Variants in FBXO28 observed in about 807,000 individuals in gnomAD.
FBXO28 encodes the protein F-box only protein 28.
Under a neutral mutation model 38.1 loss-of-function variants are expected in FBXO28, and 8 were observed. That is an observed-to-expected ratio of 0.21 (90% CI 0.12 to 0.38). The LOEUF (loss-of-function observed/expected upper bound fraction) is 0.38, where lower values mean the gene tolerates loss of function less well. FBXO28 is among the 10% of genes least tolerant of loss of function. The pLI is 1.00. For synonymous variants in FBXO28, 168 were observed against 173.8 expected (o/e 0.97, Z 0.26); for missense variants, 345 against 460.6 (o/e 0.75, Z 2.30).
chr1:224,117,238 C>G (rs1275891104), intron 1 of FBXO28, among the ~76,000 whole-genome samples: 1 of 131,732 alleles, frequency 7.6e-6, no homozygotes, highest in Non-Finnish European at 1.5e-5. Context: ...GCCATCTTGG[C>G]TCACTGCAGC....
At chr1:224,119,814 A>C (rs1299435407) in intron 1 of FBXO28, among the ~76,000 whole-genome samples, 1 of 152,234 alleles carries the variant, frequency 6.6e-6, no homozygotes, top group East Asian at 1.9e-4. Context: ...TGATTGGAGA[A>C]GAATGACTTA....
intron 3 of FBXO28, among the ~76,000 whole-genome samples, chr1:224,148,587 G>A (rs1255830072): frequency 6.6e-6 from 1 of 151,928 alleles, no homozygotes; most frequent in Non-Finnish European, 1.5e-5. Flanking sequence ...TCGTGAACCT[G>A]GGAGGCAGAG....
At chr1:224,148,102 A>G (rs1558195747) in intron 3 of FBXO28, among the ~76,000 whole-genome samples, 1 of 152,182 alleles carries the variant, frequency 6.6e-6, no homozygotes, top group Admixed American at 6.6e-5. Context: ...AGATTTTTAA[A>G]TGTTCTTTTT....
intron 2 of FBXO28, among the ~76,000 whole-genome samples, chr1:224,131,272 G>A (rs1243119000): frequency 6.6e-6 from 1 of 150,680 alleles, no homozygotes; most frequent in East Asian, 1.9e-4. Flanking sequence ...TGTAACCCCT[G>A]TCAAAAATTC....
chr1:224,121,609 C>T (rs1393562345), intron 1 of FBXO28, among the ~76,000 whole-genome samples: 1 of 152,114 alleles, frequency 6.6e-6, no homozygotes, highest in Non-Finnish European at 1.5e-5. Flanking sequence ...CCTGCCTTGG[C>T]CTCTCTAGGT....
At chr1:224,133,924 T>A in intron 2 of FBXO28, 150 bp from the exon 3 acceptor site, 1 of 490,330 alleles carries the variant, frequency 2.0e-6, no homozygotes. Flanking sequence ...TAGTGATTCA[T>A]TCATCATTAC....
chr1:224,144,404 C>T (rs4653565), intron 3 of FBXO28, among the ~76,000 whole-genome samples: 141,478 of 152,034 alleles, frequency 0.93, 66,584 homozygotes, highest in Non-Finnish European at 1. Flanking sequence ...AGGGCTGCAG[C>T]GAGATGTGGT....
intron 3 of FBXO28, among the ~76,000 whole-genome samples, chr1:224,135,631 A>AAAG (rs1553290020): frequency 6.1e-5 from 8 of 131,918 alleles, no homozygotes; most frequent in Non-Finnish European, 1.1e-4. Context: ...AAAAAAAAAA[A>AAAG]AAAAGAAAAA....
intron 4 of FBXO28, among the ~76,000 whole-genome samples, chr1:224,154,460 C>A (rs1657719605): frequency 6.6e-6 from 1 of 150,766 alleles, no homozygotes; most frequent in Non-Finnish European, 1.5e-5. Flanking sequence ...CACCTGAGGT[C>A]AGGAGTTCAA....
At position 224,160,310 on chromosome 1, in the gene FBXO28, C is replaced by T. The variant is rs554184409; in HGVS notation, c.*2564C>T. 1.3e-5 allele frequency: 2 copies of T among 152,168 alleles called. No homozygotes were observed. Among genetic ancestry groups the T allele is most frequent in the Admixed American group, 6.6e-5 (1 of 15,264 alleles). The allele number at this position is 152,168 out of a possible 1,614,324, so 9.4% of individuals were successfully genotyped here. A position where few individuals can be genotyped will look rare whatever the true frequency, so the allele number is the denominator to read the frequency against. ...GCATTTTAAGTCAGGTATTTAAATACTGCGTGTTGTTAATATTGCGTTGTC... is the reference window on the plus strand; with the variant it reads ...GCATTTTAAGTCAGGTATTTAAATATTGCGTGTTGTTAATATTGCGTTGTC... On this transcript the variant is annotated 3_prime_UTR_variant, in exon 5 of 5. Coordinates refer to ENST00000366862, the MANE Select transcript of FBXO28 (RefSeq NM_015176.4).
chr1:224,147,758 C>T (rs1657543628), intron 3 of FBXO28, among the ~76,000 whole-genome samples: 3 of 150,822 alleles, frequency 2.0e-5, no homozygotes, highest in South Asian at 4.2e-4. Flanking sequence ...AAGTGACCTT[C>T]CTAAGGCCTG....
At chr1:224,146,702 ATTTT>A (rs5781350) in intron 3 of FBXO28, among the ~76,000 whole-genome samples, 2 of 110,322 alleles carry the variant, frequency 1.8e-5, no homozygotes, top group Non-Finnish European at 3.5e-5. Flanking sequence ...TAAAACTAAA[ATTTT>A]TTTTTTTTTT....
rs146398564 is a variant in FBXO28, at chr1:224,140,860, C to T, written c.516+6648C>T. On this transcript the variant is annotated intron_variant, in intron 3 of 4. Transcript: ENST00000366862. ...ACTCAGAAGGCTGAGGCAGGAGAAT[C>T]GCTTGAACCTGGGAGGTGGAGGTTG... 9.9e-3 allele frequency among the ~76,000 whole-genome samples: 1,498 copies of T among 151,444 alleles called. 29 individuals carry two copies. The highest frequency in any genetic ancestry group is 0.034 in the African/African-American group (1,403 of 41,228).
intron 1 of FBXO28, among the ~76,000 whole-genome samples, chr1:224,119,835 G>A (rs1656732359): frequency 6.6e-6 from 1 of 152,180 alleles, no homozygotes; most frequent in Non-Finnish European, 1.5e-5. Flanking sequence ...GAGGGATTCA[G>A]ATAAACTTGA....
At chr1:224,153,793 C>G (rs531188652) in intron 4 of FBXO28, among the ~76,000 whole-genome samples, 2 of 151,994 alleles carry the variant, frequency 1.3e-5, no homozygotes, top group African/African-American at 2.4e-5. Context: ...TGGTGGCGCA[C>G]ACCTGTAATC....
At chr1:224,145,538 T>C (rs998463018) in intron 3 of FBXO28, among the ~76,000 whole-genome samples, 3 of 152,196 alleles carry the variant, frequency 2.0e-5, no homozygotes, top group Non-Finnish European at 4.4e-5. Context: ...AACTCCATTA[T>C]AATCTTACAG....
At chr1:224,130,284 C>G (rs1332235931) in intron 1 of FBXO28, among the ~76,000 whole-genome samples, 188 bp from the exon 2 acceptor site, 5 of 150,234 alleles carry the variant, frequency 3.3e-5, no homozygotes, top group African/African-American at 1.2e-4. Context: ...GGAGGTTGTG[C>G]TGAGCTGAGA....
At chr1:224,116,867 T>A (rs1656654808) in intron 1 of FBXO28, among the ~76,000 whole-genome samples, 1 of 152,216 alleles carries the variant, frequency 6.6e-6, no homozygotes, top group Non-Finnish European at 1.5e-5. Context: ...AGGGACTGTG[T>A]GAATGCCTTA....
intron 1 of FBXO28, among the ~76,000 whole-genome samples, chr1:224,123,186 C>T (rs4653562): frequency 0.99 from 150,264 of 152,298 alleles, 74,164 homozygotes; most frequent in Middle Eastern, 1. Flanking sequence ...GAGTGCCAAA[C>T]TAATACATTT....
Sources: allele counts gnomAD v4.1 joint callset (sites outside exome capture counted in the v4.1 genomes callset), GRCh38; gene constraint gnomAD v4.1.1; transcripts MANE v1.5; gene names NCBI Gene and HGNC (gene_info 2026-07-23, HGNC 2026-07-21).